The following TSHZ3 variants were observed in gnomAD, a reference collection of about 807,000 sequenced individuals.
TSHZ3 encodes the protein teashirt zinc finger homeobox 3, also known as teashirt homolog 3.
In TSHZ3, 10 loss-of-function variants were observed where a neutral mutation model predicts 64.5. That is an observed-to-expected ratio of 0.16 (90% CI 0.10 to 0.26). The LOEUF (loss-of-function observed/expected upper bound fraction) is 0.26, where lower values mean the gene tolerates loss of function less well. Ranked by LOEUF, TSHZ3 falls within the 10% of genes least tolerant of loss-of-function variation. The pLI is 1.00. For synonymous variants in TSHZ3, 608 were observed against 593.1 expected, an observed-to-expected ratio of 1.03 and a Z score of -0.36; for missense variants, 1,242 against 1,421.7, an observed-to-expected ratio of 0.87 and a Z score of 2.03.
At chr19:31,216,502 G>A (rs2145164207) in intron 4 of TSHZ3, among the ~76,000 whole-genome samples, 1 of 151,910 alleles carries the variant, frequency 6.6e-6, no homozygotes, top group African/African-American at 2.4e-5. Context: ...AGGCTGGAGG[G>A]CAGTGGTGCA....
At chr19:31,346,098 G>A (rs1917585107) in intron 1 of TSHZ3, among the ~76,000 whole-genome samples, 1 of 152,136 alleles carries the variant, frequency 6.6e-6, no homozygotes, top group African/African-American at 2.4e-5. Flanking sequence ...AAATCCTAAA[G>A]TACAGAAATA....
Position 31,277,308 on chromosome 19 carries a change from C to G in TSHZ3, c.2485G>C (p.Ala829Pro). 6.2e-7 allele frequency: 1 copy of G among 1,613,434 alleles called. No homozygotes were observed. Reference protein sequence around the residue: ...SSTVTTAKTSAVVSFMSNSPL... With the variant: ...SSTVTTAKTSPVVSFMSNSPL... ...GAGTTTGACATGAATGATACGACGG[C>G]AGATGTCTTTGCCGTTGTCACCGTG... The change falls in exon 2 of 2, where the codon GCC becomes CCC. Residue 829 changes from alanine to proline, a missense_variant. Around this residue, in one of 4 missense-constraint regions of TSHZ3, gnomAD observed 550 missense variants for 545.1 expected, o/e 1.01. Transcript: ENST00000240587. This position sits in a 1 kb window ranked among gnomAD's most constrained non-coding sequence, Gnocchi z 4.5.
intron 1 of TSHZ3, among the ~76,000 whole-genome samples, chr19:31,302,012 C>T (rs146869530): frequency 6.6e-6 from 1 of 152,212 alleles, no homozygotes; most frequent in African/African-American, 2.4e-5. Context: ...GCTGGCCCTC[C>T]AAGATCCCAG....
intron 1 of TSHZ3, among the ~76,000 whole-genome samples, chr19:31,322,131 T>G (rs551935475): frequency 3.3e-5 from 5 of 152,306 alleles, no homozygotes; most frequent in African/African-American, 1.2e-4. Context: ...GTTTTATGTT[T>G]GTTTGTTTTT....
intron 1 of TSHZ3, among the ~76,000 whole-genome samples, chr19:31,301,816 G>A (rs879825234): frequency 3.9e-5 from 6 of 152,064 alleles, no homozygotes; most frequent in Non-Finnish European, 5.9e-5. Flanking sequence ...TCTGCTGTAC[G>A]TTTTACCTAT....
chr19:31,177,234 T>C (rs1014614274), intron 5 of TSHZ3, among the ~76,000 whole-genome samples: 1 of 152,196 alleles, frequency 6.6e-6, no homozygotes, highest in Non-Finnish European at 1.5e-5. Flanking sequence ...ACTGTAGGCA[T>C]GCTGTATTTC....
chr19:31,225,306 G>T (rs948183524), intron 4 of TSHZ3, among the ~76,000 whole-genome samples: 10 of 152,128 alleles, frequency 6.6e-5, no homozygotes, highest in African/African-American at 1.9e-4. Context: ...GAAAGGAGTG[G>T]TCTGCAAACA....
At chr19:31,204,174 T>G (rs1975128662) in intron 5 of TSHZ3, among the ~76,000 whole-genome samples, 1 of 152,106 alleles carries the variant, frequency 6.6e-6, no homozygotes, top group Non-Finnish European at 1.5e-5. Flanking sequence ...CAATTTGAGA[T>G]GAGATTTGGG....
intron 6 of TSHZ3, among the ~76,000 whole-genome samples, chr19:31,155,541 T>G (rs1455198737): frequency 2.0e-5 from 3 of 152,244 alleles, no homozygotes; most frequent in Admixed American, 6.5e-5. Context: ...GATAAATTTC[T>G]ACTGAAGGCA....
At chr19:31,207,244 G>T (rs1975192954) in intron 4 of TSHZ3, among the ~76,000 whole-genome samples, 1 of 152,150 alleles carries the variant, frequency 6.6e-6, no homozygotes, top group African/African-American at 2.4e-5. Flanking sequence ...TTACAATGCT[G>T]ATTAAAATAA....
At chr19:31,257,549 G>A (rs902525622) in intron 1 of TSHZ3, among the ~76,000 whole-genome samples, 96 of 152,212 alleles carry the variant, frequency 6.3e-4, no homozygotes, top group African/African-American at 2.1e-3. Context: ...GGAGGACCCC[G>A]TGAAATGACT....
In TSHZ3 at chr19:31,349,258, CGCT is replaced by C. The variant is rs1568390025; in HGVS notation, c.-42_-40del. ...CGACTGCCACTGCCGCCGCCGCCGC[CGCT>C]GCCGGGCTGAGGACAGGGAGGGAGG... On this transcript the variant is annotated 5_prime_UTR_variant, in exon 1 of 2. Transcript: ENST00000240587. 1.3e-6 allele frequency: 2 copies of C among 1,518,484 alleles called. No homozygotes were observed. Among genetic ancestry groups the C allele is most frequent in the South Asian group, 1.2e-5 (1 of 81,498 alleles). 94.1% of individuals were successfully genotyped at this position (1,518,484 alleles called of 1,614,324 possible).
chr19:31,231,243 C>T (rs979835953), intron 3 of TSHZ3, among the ~76,000 whole-genome samples: 28 of 152,070 alleles, frequency 1.8e-4, no homozygotes, highest in Non-Finnish European at 1.5e-5. Context: ...AGAAAGAAAA[C>T]TGAGACCAGG....
chr19:31,239,255 A>T (rs1353843291), intron 3 of TSHZ3, among the ~76,000 whole-genome samples: 2 of 152,066 alleles, frequency 1.3e-5, no homozygotes, highest in Non-Finnish European at 2.9e-5. Flanking sequence ...AGGTCACTCT[A>T]CAGTGTTATT....
At chr19:31,350,481 G>A (rs990363399), upstream of TSHZ3, among the ~76,000 whole-genome samples, 2 of 151,482 alleles carry the variant, frequency 1.3e-5, no homozygotes, top group African/African-American at 4.8e-5. Context: ...GGGCGGGACG[G>A]GGGCGGGAGA....
intron 1 of TSHZ3, 110 bp downstream of exon 1, chr19:31,349,070 T>A: frequency 7.3e-7 from 1 of 1,377,912 alleles, no homozygotes. Flanking sequence ...CCGGAGTTAC[T>A]CAGTGCGGGC....
At chr19:31,169,581 A>G (rs75339680) in intron 5 of TSHZ3, among the ~76,000 whole-genome samples, 1,814 of 152,202 alleles carry the variant, frequency 0.012, 40 homozygotes, top group African/African-American at 0.041. Context: ...ACTTAATACC[A>G]CTGAGTTGTA....
At chr19:31,160,929 C>T (rs1974367552) in intron 5 of TSHZ3, among the ~76,000 whole-genome samples, 1 of 152,074 alleles carries the variant, frequency 6.6e-6, no homozygotes, top group African/African-American at 2.4e-5. Context: ...ATATGTATGT[C>T]TGTGTGCACA....
At position 31,242,723 on chromosome 19, in the gene TSHZ3, G is replaced by T. The variant is rs571005223; in HGVS notation, n.156+60C>A. 2.7e-4 allele frequency among the ~76,000 whole-genome samples: 41 copies of T among 151,054 alleles called. No homozygotes were observed. In the South Asian group the frequency reaches 7.2e-3, roughly 27 times the overall value. On this transcript the variant is annotated intron_variant and non_coding_transcript_variant, in intron 2 of 6. Coordinates refer to the TSHZ3 transcript ENST00000651361. ...AGGAGAGATAATCTGGAACTCTGATGTCCAAAAGCATCAGAAGATGGGCGT... is the reference window on the plus strand; with the variant it reads ...AGGAGAGATAATCTGGAACTCTGATTTCCAAAAGCATCAGAAGATGGGCGT...
Sources: gnomAD v4.1 joint callset for allele counts (sites outside exome capture counted in the v4.1 genomes callset) on GRCh38, gnomAD v4.1.1 for gene constraint, gnomAD v4.1.1 regional missense constraint, Gnocchi (gnomAD v3.1) non-coding constraint, MANE v1.5 for transcripts, NCBI Gene and HGNC (gene_info 2026-07-23, HGNC 2026-07-21) for gene names.